Variants in ITFG1 observed in about 807,000 individuals in gnomAD.
ITFG1 encodes T-cell immunomodulatory protein.
A neutral mutation model predicts 81.8 loss-of-function variants in ITFG1; 34 were observed. The observed-to-expected ratio is 0.42, with a 90% confidence interval of 0.32 to 0.55. The LOEUF (loss-of-function observed/expected upper bound fraction) is 0.55. Ranked by LOEUF, ITFG1 falls within the 20% of genes least tolerant of loss-of-function variation. The pLI is 0.17. For synonymous variants in ITFG1, 285 were observed against 270.6 expected, an observed-to-expected ratio of 1.05 and a Z score of -0.52; for missense variants, 672 against 755.4, an observed-to-expected ratio of 0.89 and a Z score of 1.29.
chr16:47,204,398 A>T lies in ITFG1; in HGVS notation c.1453+14470T>A, dbSNP rs1370003090. On this transcript the variant is annotated intron_variant, in intron 14 of 17. Transcript: ENST00000320640. ...TACCTTAAAACTAGCTGACTTTATA[A>T]GCTTAGAGTATTTCTAAGATACACA... 2.6e-5 allele frequency among the ~76,000 whole-genome samples: 4 copies of T among 152,350 alleles called. No homozygotes were observed. In the East Asian group the frequency reaches 7.7e-4, roughly 29 times the overall value.
intron 6 of ITFG1, among the ~76,000 whole-genome samples, chr16:47,420,031 A>G (rs1968924868): frequency 6.7e-6 from 1 of 150,322 alleles, no homozygotes; most frequent in African/African-American, 2.5e-5. Flanking sequence ...GGTTCACTGC[A>G]GCTCAATCCC....
chr16:47,216,722 T>G, intron 14 of ITFG1, among the ~76,000 whole-genome samples: 1 of 152,054 alleles, frequency 6.6e-6, no homozygotes, highest in Non-Finnish European at 1.5e-5. Context: ...AGTGCAGTGG[T>G]GTGATCTCGG....
intron 8 of ITFG1, among the ~76,000 whole-genome samples, chr16:47,351,357 G>A (rs1236136580): frequency 6.6e-6 from 1 of 152,188 alleles, no homozygotes; most frequent in Non-Finnish European, 1.5e-5. Flanking sequence ...AGCAACTTCA[G>A]CAAAGTCTCA....
intron 10 of ITFG1, among the ~76,000 whole-genome samples, chr16:47,295,419 TTG>T (rs1205178500): frequency 6.6e-6 from 1 of 152,208 alleles, no homozygotes; most frequent in Non-Finnish European, 1.5e-5. Context: ...GAGAATTTGA[TTG>T]TCAGTCCACA....
intron 12 of ITFG1, among the ~76,000 whole-genome samples, chr16:47,240,252 C>T (rs72800628): frequency 0.026 from 3,650 of 143,106 alleles, 82 homozygotes; most frequent in Non-Finnish European, 0.038. Flanking sequence ...TCTGAGATCA[C>T]GCTACTGCAC....
At chr16:47,385,158 G>A (rs922033246) in intron 6 of ITFG1, among the ~76,000 whole-genome samples, 5 of 152,136 alleles carry the variant, frequency 3.3e-5, no homozygotes, top group Non-Finnish European at 7.4e-5. Flanking sequence ...TTACCAACAC[G>A]TGACATTGTG....
At chr16:47,191,627 G>C (rs553663253) in intron 14 of ITFG1, among the ~76,000 whole-genome samples, 1 of 152,200 alleles carries the variant, frequency 6.6e-6, no homozygotes, top group South Asian at 2.1e-4. Context: ...TCCTGCCTCA[G>C]CCTCCCAAGT....
intron 8 of ITFG1, among the ~76,000 whole-genome samples, chr16:47,327,768 C>A (rs1320824912): frequency 6.6e-6 from 1 of 152,124 alleles, no homozygotes; most frequent in Non-Finnish European, 1.5e-5. Context: ...AATCAAAACA[C>A]AATGAGATAC....
At chr16:47,451,532 T>G in intron 4 of ITFG1, 62 bp from the exon 5 acceptor site, 1 of 894,134 alleles carries the variant, frequency 1.1e-6, no homozygotes, top group Non-Finnish European at 1.8e-6. Context: ...AATTTAGCTT[T>G]AAAAGAAGCA....
chr16:47,171,132 A>G (rs1224580769), intron 14 of ITFG1, among the ~76,000 whole-genome samples: 1 of 149,976 alleles, frequency 6.7e-6, no homozygotes, highest in African/African-American at 2.5e-5. Context: ...CCTGGGCTTA[A>G]GCCTCCTGAG....
intron 5 of ITFG1, chr16:47,449,709 T>C (rs1423526439): frequency 6.6e-6 from 1 of 152,132 alleles, no homozygotes; most frequent in Non-Finnish European, 1.5e-5. Context: ...AAAAATAAAG[T>C]TGGACATGTC....
intron 8 of ITFG1, chr16:47,317,810 A>G (rs1467837057): frequency 6.6e-6 from 1 of 152,130 alleles, no homozygotes; most frequent in Non-Finnish European, 1.5e-5. Flanking sequence ...TTTCTTGCTA[A>G]TCAAATTATA....
At chr16:47,160,647 G>A (rs549090591) in intron 16 of ITFG1, among the ~76,000 whole-genome samples, 27 of 152,140 alleles carry the variant, frequency 1.8e-4, no homozygotes, top group Non-Finnish European at 3.1e-4. Flanking sequence ...CCAAGCATAA[G>A]GCTGTGATAA....
intron 14 of ITFG1, among the ~76,000 whole-genome samples, chr16:47,213,519 T>C (rs751592674): frequency 6.6e-6 from 1 of 152,186 alleles, no homozygotes; most frequent in African/African-American, 2.4e-5. Context: ...CAACTATAAA[T>C]GTAGATTTGT....
Position 47,460,898 on chromosome 16 carries a change from G to C in ITFG1, c.148C>G (p.Leu50Val), listed in dbSNP as rs1396703082. The C allele has an allele frequency of 2.5e-6, 4 of 1,613,478 alleles. No individual in the cohort carries two copies. Among genetic ancestry groups the C allele is most frequent in the South Asian group, 2.2e-5 (2 of 91,044 alleles). The change falls in exon 1 of 18, where the codon CTT becomes GTT. Residue 50 changes from leucine (L) to valine (V), a missense_variant. This residue lies in a region of ITFG1 where 560 missense variants were observed against 625.7 expected (regional missense o/e 0.90). Transcript: ENST00000320640. ...GAGTTGAGGTCCCCGAAAGCCGCAA[G>C]GGTGCCCCAGGCCTCGGCCCCAAAG... The part of the protein sequence containing the change: ...ELFGAEAWGT[L>V]AAFGDLNSDK...
intron 8 of ITFG1, among the ~76,000 whole-genome samples, chr16:47,330,703 G>A (rs982404648): frequency 1.5e-4 from 23 of 152,064 alleles, no homozygotes; most frequent in African/African-American, 5.1e-4. Context: ...CATACGAGCA[G>A]CCGACAAACA....
chr16:47,409,185 C>T (rs1215213088), intron 6 of ITFG1, among the ~76,000 whole-genome samples: 1 of 150,232 alleles, frequency 6.7e-6, no homozygotes, highest in African/African-American at 2.4e-5. Context: ...TTGACTTCTG[C>T]AATGAAGTTT....
At chr16:47,235,268 T>TA (rs77614202) in intron 13 of ITFG1, among the ~76,000 whole-genome samples, 13,136 of 152,164 alleles carry the variant, frequency 0.086, 862 homozygotes, top group Admixed American at 0.21. Context: ...GAGTTAAAGG[T>TA]ACTGGCAGAA....
At chr16:47,441,057 G>T (rs140549571) in intron 5 of ITFG1, among the ~76,000 whole-genome samples, 8 of 152,086 alleles carry the variant, frequency 5.3e-5, no homozygotes, top group Admixed American at 2.0e-4. Flanking sequence ...ACACCTCTAC[G>T]CAAATAAACT....
Sources: gnomAD v4.1 joint callset for allele counts (sites outside exome capture counted in the v4.1 genomes callset) on GRCh38, gnomAD v4.1.1 for gene constraint, gnomAD v4.1.1 regional missense constraint, MANE v1.5 for transcripts, NCBI Gene and HGNC (gene_info 2026-07-23, HGNC 2026-07-21) for gene names.